Variants in TRHDE observed in about 807,000 individuals in gnomAD.
TRHDE encodes thyrotropin releasing hormone degrading enzyme.
A neutral mutation model predicts 125.7 loss-of-function variants in TRHDE; 72 were observed. The ratio of observed to expected loss-of-function variants is 0.57; its 90% CI spans 0.47 to 0.70. The LOEUF (loss-of-function observed/expected upper bound fraction) is 0.70. Ranked by LOEUF, TRHDE falls within the 30% of genes least tolerant of loss-of-function variation. TRHDE has a pLI of 0.00. For missense variants in TRHDE, 1,110 were observed against 1,327.1 expected, an observed-to-expected ratio of 0.84 and a Z score of 2.54; for synonymous variants, 509 against 509.1, an observed-to-expected ratio of 1.00 and a Z score of 0.00.
intron 2 of TRHDE, among the ~76,000 whole-genome samples, chr12:72,226,570 T>C (rs946987405): frequency 2.6e-5 from 4 of 152,210 alleles, no homozygotes; most frequent in African/African-American, 9.6e-5. Flanking sequence ...GTCATGATCT[T>C]TAGCTTATAT....
chr12:72,473,814 A>T (rs1876761833), intron 5 of TRHDE, among the ~76,000 whole-genome samples: 1 of 152,042 alleles, frequency 6.6e-6, no homozygotes, highest in South Asian at 2.1e-4. Flanking sequence ...CATTTTATAT[A>T]AGCTTTCACT....
intron 2 of TRHDE, among the ~76,000 whole-genome samples, chr12:72,183,780 T>C (rs1486105400): frequency 6.6e-6 from 1 of 152,182 alleles, no homozygotes; most frequent in East Asian, 1.9e-4. Flanking sequence ...TTGCACAGTT[T>C]GTCTGTGCAA....
intron 2 of TRHDE, among the ~76,000 whole-genome samples, chr12:72,138,901 T>A (rs1413557570): frequency 6.6e-6 from 1 of 152,224 alleles, no homozygotes; most frequent in Non-Finnish European, 1.5e-5. Flanking sequence ...TATGGTGAAG[T>A]TATGCAAAAA....
intron 3 of TRHDE, among the ~76,000 whole-genome samples, chr12:72,454,933 A>G (rs1003995723): frequency 6.6e-6 from 1 of 151,968 alleles, no homozygotes; most frequent in African/African-American, 2.4e-5. Context: ...ATCCTTCAAG[A>G]TTTATTTGCT....
chr12:72,564,341 G>A (rs1823272338), intron 9 of TRHDE, among the ~76,000 whole-genome samples: 1 of 152,110 alleles, frequency 6.6e-6, no homozygotes, highest in Non-Finnish European at 1.5e-5. Flanking sequence ...ACAAGCGTAG[G>A]CATCAACTCT....
At chr12:72,607,943 T>C (rs1042393087) in intron 12 of TRHDE, among the ~76,000 whole-genome samples, 12 of 152,096 alleles carry the variant, frequency 7.9e-5, no homozygotes, top group Admixed American at 6.6e-5. Flanking sequence ...CTTTTTGGAG[T>C]GTTGTATTGT....
At chr12:72,299,117 G>A (rs1249917709) in intron 2 of TRHDE, among the ~76,000 whole-genome samples, 1 of 152,150 alleles carries the variant, frequency 6.6e-6, no homozygotes, top group Non-Finnish European at 1.5e-5. Context: ...CAAATTTCAG[G>A]AAGATTAACC....
chr12:72,134,102 T>C (rs1023055171), intron 2 of TRHDE, among the ~76,000 whole-genome samples: 10 of 152,228 alleles, frequency 6.6e-5, no homozygotes, highest in Non-Finnish European at 1.3e-4. Context: ...TAATTGTTAC[T>C]GGCACAGGCT....
intron 3 of TRHDE, among the ~76,000 whole-genome samples, chr12:72,378,659 T>C (rs1872008539): frequency 1.3e-5 from 2 of 152,176 alleles, no homozygotes. Flanking sequence ...TGTTATCCCT[T>C]AGATTATTTT....
intron 2 of TRHDE, among the ~76,000 whole-genome samples, chr12:72,112,370 C>T (rs556791143): frequency 2.0e-5 from 3 of 152,206 alleles, no homozygotes; most frequent in East Asian, 1.9e-4. Flanking sequence ...GAAAAGTAAC[C>T]GTGATTAGCC....
intron 2 of TRHDE, among the ~76,000 whole-genome samples, chr12:72,149,095 A>AT (rs552981458): frequency 7.0e-4 from 105 of 149,672 alleles, no homozygotes; most frequent in Non-Finnish European, 1.1e-3. Flanking sequence ...TTCTAACATG[A>AT]TTTTTTTTTT....
At chr12:72,528,096 A>T (rs528681205) in intron 6 of TRHDE, among the ~76,000 whole-genome samples, 1 of 152,254 alleles carries the variant, frequency 6.6e-6, no homozygotes, top group Admixed American at 6.5e-5. Flanking sequence ...CTTCTTTAAG[A>T]TTATGCCATC....
At chr12:72,516,376 AT>A (rs1480498339) in intron 6 of TRHDE, among the ~76,000 whole-genome samples, 1 of 152,130 alleles carries the variant, frequency 6.6e-6, no homozygotes, top group Non-Finnish European at 1.5e-5. Flanking sequence ...TGTAAGTTCA[AT>A]TCCTAGGTAT....
intron 2 of TRHDE, among the ~76,000 whole-genome samples, chr12:72,244,844 T>C (rs906248054): frequency 6.6e-6 from 1 of 152,166 alleles, no homozygotes; most frequent in African/African-American, 2.4e-5. Context: ...ATTATTATGG[T>C]ATTTAAATAG....
intron 1 of TRHDE, among the ~76,000 whole-genome samples, chr12:72,281,122 C>T (rs576075791): frequency 3.3e-5 from 5 of 152,188 alleles, no homozygotes; most frequent in African/African-American, 1.2e-4. Context: ...CACATATGCA[C>T]CACTTCCTAC....
chr12:72,566,845 C>A (rs1034914612), intron 9 of TRHDE, among the ~76,000 whole-genome samples: 5 of 151,870 alleles, frequency 3.3e-5, no homozygotes, highest in African/African-American at 9.7e-5. Context: ...GGGTTTTATG[C>A]CTTTTATTTC....
chr12:72,411,670 G>A (rs1174091088), intron 3 of TRHDE, among the ~76,000 whole-genome samples: 2 of 151,912 alleles, frequency 1.3e-5, no homozygotes, highest in Admixed American at 6.6e-5. Flanking sequence ...AACTTCAAAG[G>A]GTCAAGAAAA....
intron 2 of TRHDE, among the ~76,000 whole-genome samples, chr12:72,189,973 C>A (rs1419822808): frequency 6.6e-6 from 1 of 152,120 alleles, no homozygotes; most frequent in Non-Finnish European, 1.5e-5. Flanking sequence ...AGGTACTACA[C>A]GCATCCAAAC....
intron 2 of TRHDE, among the ~76,000 whole-genome samples, chr12:72,310,954 A>T (rs1268235604): frequency 2.6e-5 from 4 of 152,224 alleles, no homozygotes; most frequent in African/African-American, 2.4e-5. Context: ...ATATTTTGTC[A>T]CTCTGGCCCC....
Sources: allele counts gnomAD v4.1 joint callset (sites outside exome capture counted in the v4.1 genomes callset), GRCh38; gene constraint gnomAD v4.1.1; transcripts MANE v1.5; gene names NCBI Gene and HGNC (gene_info 2026-07-23, HGNC 2026-07-21).